Variants in SEPTIN10 observed in about 807,000 individuals in gnomAD.
SEPTIN10 encodes the protein septin-10.
Under a neutral mutation model 54.8 loss-of-function variants are expected in SEPTIN10, and 66 were observed. The observed-to-expected ratio is 1.21, with a 90% confidence interval of 0.99 to 1.48. SEPTIN10 has a LOEUF of 1.48. Ranked by LOEUF, SEPTIN10 falls within the 40% of genes most tolerant of loss-of-function variation. The pLI, the probability that SEPTIN10 is intolerant of heterozygous loss-of-function variation, is 0.00. For synonymous variants in SEPTIN10, 161 were observed against 181.0 expected (o/e 0.89, Z 0.89); for missense variants, 620 against 545.6 (o/e 1.14, Z -1.36).
At chr2:109,586,041 C>T (rs1372442252) in intron 2 of SEPTIN10, among the ~76,000 whole-genome samples, 1 of 151,950 alleles carries the variant, frequency 6.6e-6, no homozygotes, top group African/African-American at 2.4e-5. Flanking sequence ...ATTTCTTATC[C>T]CCTTCATACA....
intron 4 of SEPTIN10, among the ~76,000 whole-genome samples, chr2:109,579,665 G>A (rs544879680): frequency 3.3e-5 from 5 of 151,236 alleles, no homozygotes; most frequent in East Asian, 4.0e-4. Flanking sequence ...TTACAGGCAT[G>A]AGCCACCACG....
At chr2:109,558,213 T>C (rs1684832253) in intron 8 of SEPTIN10, among the ~76,000 whole-genome samples, 1 of 152,200 alleles carries the variant, frequency 6.6e-6, no homozygotes, top group South Asian at 2.1e-4. Flanking sequence ...AAAAGTCCTT[T>C]CCTTCAATTG....
At chr2:109,572,724 CT>C (rs1174536305) in intron 5 of SEPTIN10, among the ~76,000 whole-genome samples, 2 of 145,964 alleles carry the variant, frequency 1.4e-5, no homozygotes, top group Non-Finnish European at 3.0e-5. Flanking sequence ...TCAAGCAATT[CT>C]CCTGCCTCAG....
chr2:109,554,698 T>C lies in SEPTIN10; in HGVS notation c.1029-1479A>G, dbSNP rs558155104. Reference sequence around the variant, plus strand: ...TTATCAATGTTACAACAAAATGACATTGAACAAAACATTGTTATTCAAGAA... The same window carrying C: ...TTATCAATGTTACAACAAAATGACACTGAACAAAACATTGTTATTCAAGAA... On this transcript the variant is annotated intron_variant, in intron 8 of 10. Coordinates refer to ENST00000397712, the MANE Select transcript of SEPTIN10 (RefSeq NM_144710.5). Among the ~76,000 whole-genome samples the C allele has an allele frequency of 2.6e-5, 4 of 152,284 alleles. No homozygotes were observed. In the East Asian group the frequency reaches 5.8e-4, roughly 22 times the overall value.
At chr2:109,544,882 A>C in intron 10 of SEPTIN10, 1 of 887,090 alleles carries the variant, frequency 1.1e-6, no homozygotes, top group Non-Finnish European at 1.4e-6. Flanking sequence ...GCCCTTGGAG[A>C]GCTTGCATTG....
chr2:109,578,492 T>C (rs866150360), intron 4 of SEPTIN10, among the ~76,000 whole-genome samples: 140 of 152,154 alleles, frequency 9.2e-4, no homozygotes, highest in African/African-American at 3.3e-3. Flanking sequence ...TGGCCAGGCA[T>C]GGCAGGCTCA....
In SEPTIN10 at chr2:109,613,866, C is replaced by A. The variant is rs1329305233; in HGVS notation, c.-39G>T. On this transcript the variant is annotated 5_prime_UTR_variant, in exon 1 of 11. Coordinates refer to ENST00000397712, the MANE Select transcript of SEPTIN10 (RefSeq NM_144710.5). ...GGCACGGTGAAGCGGCTGTATCAGCCCGGCCCCGAGCGGCTGGTCCCGGCG... is the reference window on the plus strand; with the variant it reads ...GGCACGGTGAAGCGGCTGTATCAGCACGGCCCCGAGCGGCTGGTCCCGGCG... 1.6e-6 allele frequency: 2 copies of A among 1,231,626 alleles called. No homozygotes were observed. Among genetic ancestry groups the A allele is most frequent in the Non-Finnish European group, 2.0e-6 (2 of 988,368 alleles). The allele number at this position is 1,231,626 out of a possible 1,614,324, so 76.3% of individuals were successfully genotyped here.
At chr2:109,590,073 C>T (rs144967547) in intron 2 of SEPTIN10, among the ~76,000 whole-genome samples, 3,515 of 146,554 alleles carry the variant, frequency 0.024, 45 homozygotes, top group South Asian at 0.077. Context: ...TATACACACA[C>T]ATATATATGT....
chr2:109,566,032 AAG>A (rs1686935020), intron 6 of SEPTIN10, among the ~76,000 whole-genome samples, 173 bp from the exon 7 acceptor site: 1 of 152,176 alleles, frequency 6.6e-6, no homozygotes, highest in Non-Finnish European at 1.5e-5. Context: ...ACTGTTCTAC[AAG>A]AGTCATCTTT....
chr2:109,568,629 T>C (rs936537589), intron 5 of SEPTIN10, among the ~76,000 whole-genome samples: 1 of 151,920 alleles, frequency 6.6e-6, no homozygotes, highest in African/African-American at 2.4e-5. Context: ...AATTTCATCA[T>C]ACACTTAAAA....
chr2:109,545,481 C>T, intron 10 of SEPTIN10: 1 of 1,536,150 alleles, frequency 6.5e-7, no homozygotes, highest in Non-Finnish European at 8.7e-7. Context: ...TCTTTACGTC[C>T]ACCATTGGTT....
intron 9 of SEPTIN10, among the ~76,000 whole-genome samples, chr2:109,548,399 G>T (rs891312362): frequency 5.9e-5 from 9 of 152,276 alleles, no homozygotes; most frequent in Admixed American, 5.9e-4. Context: ...AGAAAAAGAC[G>T]ACATAGCTGG....
intron 1 of SEPTIN10, among the ~76,000 whole-genome samples, chr2:109,607,498 A>G (rs1015260212): frequency 1.3e-5 from 2 of 152,204 alleles, no homozygotes; most frequent in African/African-American, 4.8e-5. Flanking sequence ...ATAAATAAAT[A>G]AACAAATGGT....
intron 4 of SEPTIN10, among the ~76,000 whole-genome samples, chr2:109,579,951 T>A (rs1690700324): frequency 6.6e-6 from 1 of 151,590 alleles, no homozygotes. Context: ...TGAAACCCTG[T>A]CTCTACTAAA....
rs1695855876 is a variant in SEPTIN10 at position 109,598,644 on chromosome 2, A to C, written c.31-5525T>G. Among the ~76,000 whole-genome samples, 4 of 152,056 alleles carry C rather than the reference A, an allele frequency of 2.6e-5. No homozygotes were observed. The South Asian group carries it at 8.3e-4, about 32-fold the overall frequency. On this transcript the variant is annotated intron_variant, in intron 1 of 10. Transcript: ENST00000397712. ...GATCACTTGAGGTCAGGAGGTCAAC[A>C]CCAGCCTGGCCAACATGGTGAAACC... is the stretch of plus-strand genomic sequence containing the variant.
At chr2:109,611,668 G>A (rs1406959613) in intron 1 of SEPTIN10, among the ~76,000 whole-genome samples, 1 of 152,174 alleles carries the variant, frequency 6.6e-6, no homozygotes, top group East Asian at 1.9e-4. Context: ...GGCTGAGGCA[G>A]GAGGATCGCT....
chr2:109,555,392 C>A (rs571830644), intron 8 of SEPTIN10, among the ~76,000 whole-genome samples: 3 of 152,252 alleles, frequency 2.0e-5, no homozygotes, highest in Admixed American at 2.0e-4. Flanking sequence ...ACCTTCTACC[C>A]CCATGCTGTC....
intron 1 of SEPTIN10, among the ~76,000 whole-genome samples, chr2:109,603,669 C>T (rs1697193809): frequency 6.6e-6 from 1 of 152,060 alleles, no homozygotes; most frequent in African/African-American, 2.4e-5. Context: ...ATACATACAA[C>T]TAAAAATCTG....
chr2:109,609,723 GA>G (rs1298022771), intron 1 of SEPTIN10, among the ~76,000 whole-genome samples: 1 of 151,564 alleles, frequency 6.6e-6, no homozygotes, highest in Non-Finnish European at 1.5e-5. Context: ...CCTCACTGAA[GA>G]AAAACTGAGA....
Sources: gnomAD v4.1 joint callset for allele counts (sites outside exome capture counted in the v4.1 genomes callset) on GRCh38, gnomAD v4.1.1 for gene constraint, MANE v1.5 for transcripts, NCBI Gene and HGNC (gene_info 2026-07-23, HGNC 2026-07-21) for gene names.